The following ARHGAP12 variants were observed in gnomAD, a reference collection of about 807,000 sequenced individuals.
ARHGAP12 encodes Rho GTPase activating protein 12.
A neutral mutation model predicts 108.6 loss-of-function variants in ARHGAP12; 64 were observed. The ratio of observed to expected loss-of-function variants is 0.59; its 90% CI spans 0.48 to 0.73. The LOEUF (loss-of-function observed/expected upper bound fraction) is 0.73. ARHGAP12 is among the 30% of genes least tolerant of loss of function. The pLI is 0.00. For missense variants in ARHGAP12, 940 were observed against 1,005.9 expected (o/e 0.93, Z 0.89); for synonymous variants, 312 against 337.2 (o/e 0.93, Z 0.82).
intron 10 of ARHGAP12, among the ~76,000 whole-genome samples, chr10:31,828,944 G>T (rs1477000554): frequency 6.6e-6 from 1 of 152,164 alleles, no homozygotes; most frequent in African/African-American, 2.4e-5. Flanking sequence ...CTGAGGTCAG[G>T]AGTTCAAGAC....
intron 1 of ARHGAP12, among the ~76,000 whole-genome samples, chr10:31,925,460 G>A (rs1201207641): frequency 1.3e-5 from 2 of 152,136 alleles, no homozygotes; most frequent in Non-Finnish European, 2.9e-5. Context: ...ATGTTAGTAT[G>A]GTACATTTGT....
chr10:31,808,626 CCATGACTGGG>C lies in ARHGAP12; in HGVS notation c.2366+13_2366+22del. 1 of 1,608,708 alleles carries C rather than the reference CCATGACTGGG, an allele frequency of 6.2e-7. No individual in the cohort carries two copies. The highest frequency in any genetic ancestry group is 8.5e-7 in the Non-Finnish European group (1 of 1,175,676). ...GCTTCCCCTTGTGCTATACCACATC[CCATGACTGGG>C]CAGTCCTCCTACCTTCTGAGATGTC... is the stretch of plus-strand genomic sequence containing the variant. On this transcript the variant is annotated intron_variant, in intron 19 of 19. Coordinates refer to ENST00000344936, the MANE Select transcript of ARHGAP12 (RefSeq NM_018287.7).
Position 31,908,155 on chromosome 10 carries a change from T to A in ARHGAP12, c.684+17A>T. On this transcript the variant is annotated intron_variant, in intron 3 of 19. Coordinates refer to ENST00000344936, the MANE Select transcript of ARHGAP12 (RefSeq NM_018287.7). ...CTAGGGTGGTACAGTGTTTCCTCAT[T>A]CTATTTTTAATCTTACCCTTATCTG... 1 of 1,543,460 alleles carries A rather than the reference T, an allele frequency of 6.5e-7. No individual in the cohort carries two copies. The highest frequency in any genetic ancestry group is 1.4e-5 in the African/African-American group (1 of 72,266).
chr10:31,807,791 C>T lies in ARHGAP12; in HGVS notation c.2408G>A (p.Ser803Asn), dbSNP rs374446657. 2.8e-5 allele frequency: 45 copies of T among 1,587,898 alleles called. No homozygotes were observed. Among genetic ancestry groups the T allele is most frequent in the Non-Finnish European group, 3.0e-5 (35 of 1,169,380 alleles). Residue 803 changes from serine (S) to asparagine (N), a missense_variant, in exon 20 of 20, where the codon AGT becomes AAT. Ser to Asn is a conservative substitution (Grantham distance 46). Coordinates refer to ENST00000344936, the MANE Select transcript of ARHGAP12 (RefSeq NM_018287.7). ...NGEKNRMTYQ[S>N]IAIVFGPTLL... ...AGTGGGACCAAAAACAATTGCTATA[C>T]TCTGATAGGTCATTCGATTTTTCTC...
intron 19 of ARHGAP12, among the ~76,000 whole-genome samples, chr10:31,808,201 C>T (rs905043697): frequency 2.0e-5 from 3 of 148,062 alleles, no homozygotes; most frequent in East Asian, 4.0e-4. Context: ...CCATTTTACT[C>T]ATTTTATGTA....
chr10:31,921,364 T>C (rs1041128546), intron 1 of ARHGAP12, among the ~76,000 whole-genome samples: 9 of 152,164 alleles, frequency 5.9e-5, no homozygotes, highest in African/African-American at 2.2e-4. Context: ...ACAGCTGAAG[T>C]AGTGCTCAGA....
intron 10 of ARHGAP12, among the ~76,000 whole-genome samples, chr10:31,829,110 C>T (rs566821722): frequency 3.3e-5 from 5 of 152,080 alleles, no homozygotes; most frequent in Admixed American, 6.5e-5. Flanking sequence ...CAAGATCGCA[C>T]CACTGCACTC....
chr10:31,884,950 A>T (rs1031512114), intron 3 of ARHGAP12, among the ~76,000 whole-genome samples: 1 of 151,154 alleles, frequency 6.6e-6, no homozygotes, highest in African/African-American at 2.4e-5. Context: ...TTATTTTCTT[A>T]TTTTTTTTTA....
intron 11 of ARHGAP12, among the ~76,000 whole-genome samples, chr10:31,825,031 A>G (rs181304574): frequency 2.0e-5 from 3 of 152,292 alleles, no homozygotes; most frequent in African/African-American, 4.8e-5. Flanking sequence ...ACTTTAAGAT[A>G]TATCAAACCA....
At chr10:31,899,027 C>T (rs1360249137) in intron 3 of ARHGAP12, among the ~76,000 whole-genome samples, 2 of 152,140 alleles carry the variant, frequency 1.3e-5, no homozygotes, top group Non-Finnish European at 2.9e-5. Flanking sequence ...CACAACATGG[C>T]TGAACATTGA....
intron 3 of ARHGAP12, among the ~76,000 whole-genome samples, chr10:31,884,833 C>A (rs539041228): frequency 6.6e-6 from 1 of 152,316 alleles, no homozygotes; most frequent in South Asian, 2.1e-4. Flanking sequence ...GACAACAAAT[C>A]TAAGTTTTCA....
intron 3 of ARHGAP12, among the ~76,000 whole-genome samples, chr10:31,865,406 T>C (rs1837285557): frequency 6.6e-6 from 1 of 152,132 alleles, no homozygotes; most frequent in African/African-American, 2.4e-5. Context: ...CAGTTTGTTT[T>C]ACCGTGTGTG....
chr10:31,919,240 T>G (rs549851117), intron 1 of ARHGAP12, among the ~76,000 whole-genome samples: 1 of 152,294 alleles, frequency 6.6e-6, no homozygotes, highest in East Asian at 1.9e-4. Flanking sequence ...AACAGGAAGT[T>G]ACTGCTTAAT....
At position 31,852,611 on chromosome 10, in the gene ARHGAP12, A is replaced by G. The variant is rs1836730513; in HGVS notation, c.1090-14T>C. The G allele has an allele frequency of 1.3e-6, 2 of 1,580,450 alleles. No individual in the cohort carries two copies. Among genetic ancestry groups the G allele is most frequent in the South Asian group, 1.1e-5 (1 of 89,968 alleles). Reference sequence around the variant, plus strand: ...ATGCTTGAGCCACTATAAAAACAGAACAGGTGTTTTTTATTAAATTTAAAT... The same window carrying G: ...ATGCTTGAGCCACTATAAAAACAGAGCAGGTGTTTTTTATTAAATTTAAAT... On this transcript the variant is annotated splice_polypyrimidine_tract_variant and intron_variant, in intron 5 of 19. Coordinates refer to ENST00000344936, the MANE Select transcript of ARHGAP12 (RefSeq NM_018287.7).
rs115296407 is a variant in ARHGAP12 at position 31,928,081 on chromosome 10, C to T, written c.-111+602G>A. On this transcript the variant is annotated intron_variant, in intron 1 of 19. Coordinates refer to ENST00000344936, the MANE Select transcript of ARHGAP12 (RefSeq NM_018287.7). ...CGAGGGACGCCCCAGGTGGATTCCC[C>T]GGGTGGGCTCCCCGGGTGGGTGGAG... 4.6e-3 allele frequency among the ~76,000 whole-genome samples: 699 copies of T among 152,206 alleles called. 7 individuals are homozygous for T. Among genetic ancestry groups the T allele is most frequent in the African/African-American group, 0.016 (664 of 41,536 alleles).
intron 3 of ARHGAP12, among the ~76,000 whole-genome samples, chr10:31,907,633 TAA>T (rs201334534): frequency 1.5e-3 from 189 of 127,610 alleles, no homozygotes; most frequent in African/African-American, 2.2e-3. Context: ...GACCTTGTCT[TAA>T]AAAAAAAAAA....
At chr10:31,907,123 C>G (rs2132451762) in intron 3 of ARHGAP12, among the ~76,000 whole-genome samples, 1 of 152,262 alleles carries the variant, frequency 6.6e-6, no homozygotes, top group South Asian at 2.1e-4. Context: ...TCAGACCACA[C>G]CTAAGGGCAC....
intron 3 of ARHGAP12, among the ~76,000 whole-genome samples, chr10:31,907,955 CATGGT>C (rs1342385587): frequency 6.6e-6 from 1 of 152,282 alleles, no homozygotes; most frequent in East Asian, 1.9e-4. Flanking sequence ...CTAGTCCTGT[CATGGT>C]ATAAGAATAA....
chr10:31,840,040 C>T (rs1836202020), intron 7 of ARHGAP12, among the ~76,000 whole-genome samples: 1 of 151,996 alleles, frequency 6.6e-6, no homozygotes, highest in South Asian at 2.1e-4. Flanking sequence ...AACCTAAACA[C>T]TTCTGGATAA....
Sources: gnomAD v4.1 joint callset for allele counts (sites outside exome capture counted in the v4.1 genomes callset) on GRCh38, gnomAD v4.1.1 for gene constraint, MANE v1.5 for transcripts, NCBI Gene and HGNC (gene_info 2026-07-23, HGNC 2026-07-21) for gene names.